Variants in CTNNA3 observed in about 807,000 individuals in gnomAD.
CTNNA3 encodes catenin alpha 3, also known as catenin alpha-3.
A neutral mutation model predicts 95.7 loss-of-function variants in CTNNA3; 76 were observed. The ratio of observed to expected loss-of-function variants is 0.79; its 90% CI spans 0.66 to 0.96. The LOEUF (loss-of-function observed/expected upper bound fraction) is 0.96. Ranked by LOEUF, CTNNA3 falls within the 40% of genes least tolerant of loss-of-function variation. The probability of loss-of-function intolerance (pLI) is 0.00; values close to 1 mark genes in which losing one functional copy is unlikely to be tolerated. For missense variants in CTNNA3, 1,191 were observed against 1,089.8 expected (o/e 1.09, Z -1.31); for synonymous variants, 431 against 374.4 (o/e 1.15, Z -1.74).
At chr10:66,173,197 T>C (rs1564728361) in intron 13 of CTNNA3, among the ~76,000 whole-genome samples, 2 of 152,080 alleles carry the variant, frequency 1.3e-5, no homozygotes, top group Admixed American at 6.6e-5. Context: ...GATAAGTGAG[T>C]TGTGGAACCT....
intron 12 of CTNNA3, among the ~76,000 whole-genome samples, chr10:66,310,834 C>A (rs891459442): frequency 2.6e-5 from 4 of 152,006 alleles, no homozygotes; most frequent in African/African-American, 9.7e-5. Flanking sequence ...CAGGCACCCA[C>A]AACAACGCCT....
chr10:67,549,276 A>G (rs1024227332), intron 3 of CTNNA3, among the ~76,000 whole-genome samples: 1 of 152,180 alleles, frequency 6.6e-6, no homozygotes, highest in African/African-American at 2.4e-5. Flanking sequence ...ATTTACATAC[A>G]TTGCAGCTAA....
intron 11 of CTNNA3, among the ~76,000 whole-genome samples, chr10:66,393,294 T>C (rs955130815): frequency 6.6e-6 from 1 of 152,040 alleles, no homozygotes. Context: ...CAGTGGTGAA[T>C]ACACATTAAT....
chr10:66,412,916 G>C (rs571659981), intron 11 of CTNNA3, among the ~76,000 whole-genome samples: 1 of 152,084 alleles, frequency 6.6e-6, no homozygotes, highest in South Asian at 2.1e-4. Flanking sequence ...AGGATTTCTT[G>C]AAGTGATTAA....
intron 5 of CTNNA3, among the ~76,000 whole-genome samples, chr10:67,301,994 C>CGAAAGAAAGAACGAAAGAAAGAACGAAA (rs1334898390): frequency 2.7e-5 from 1 of 36,766 alleles, no homozygotes; most frequent in African/African-American, 3.0e-4. Flanking sequence ...AAAGAAAGAA[C>CGAAAGAAAGAACGAAAGAAAGAACGAAA]GAAAGAACGA....
At chr10:66,265,728 T>C (rs900610314) in intron 13 of CTNNA3, among the ~76,000 whole-genome samples, 2 of 151,984 alleles carry the variant, frequency 1.3e-5, no homozygotes, top group Admixed American at 1.3e-4. Context: ...AAATTCGATC[T>C]CCTCAGAGTG....
At chr10:66,522,020 A>G (rs941711154) in intron 10 of CTNNA3, among the ~76,000 whole-genome samples, 11 of 152,180 alleles carry the variant, frequency 7.2e-5, no homozygotes, top group Admixed American at 2.0e-4. Context: ...AACTGAACCA[A>G]TTAAGATGTC....
intron 9 of CTNNA3, among the ~76,000 whole-genome samples, chr10:66,760,017 G>A (rs1399891101): frequency 1.3e-5 from 2 of 151,984 alleles, no homozygotes; most frequent in Admixed American, 1.3e-4. Context: ...TGGGGCACTT[G>A]CTTTTCTGTT....
intron 11 of CTNNA3, among the ~76,000 whole-genome samples, chr10:66,461,147 G>C (rs774375158): frequency 1.1e-4 from 16 of 152,092 alleles, no homozygotes; most frequent in Non-Finnish European, 7.4e-5. Context: ...GAGAATACAA[G>C]TACAAAGTAG....
In CTNNA3 at chr10:67,235,524, T is replaced by G. The variant is rs2132314393; in HGVS notation, c.580-15654A>C. Among the ~76,000 whole-genome samples the G allele has an allele frequency of 1.3e-5, 2 of 150,052 alleles. 1 individual carries two copies. Among genetic ancestry groups the G allele is most frequent in the East Asian group, 3.9e-4 (2 of 5,100 alleles). On this transcript the variant is annotated intron_variant, in intron 5 of 17. Coordinates refer to ENST00000433211, the MANE Select transcript of CTNNA3 (RefSeq NM_013266.4). ...ATACAAAAATCAATTCAAGATGGAT[T>G]AAAGACTTAAACGTTAGACCTAAAA... is the stretch of plus-strand genomic sequence containing the variant.
chr10:67,087,997 G>A (rs1441874438), intron 7 of CTNNA3, among the ~76,000 whole-genome samples: 1 of 151,878 alleles, frequency 6.6e-6, no homozygotes, highest in East Asian at 1.9e-4. Context: ...AAAGATCTGT[G>A]CAAATAAAGA....
In CTNNA3 at chr10:66,153,131, GTGTTTCAGTA is replaced by G. The variant is rs1297563733; in HGVS notation, c.1885-49892_1885-49883del. Among the ~76,000 whole-genome samples, 11 of 151,242 alleles carry G rather than the reference GTGTTTCAGTA, an allele frequency of 7.3e-5. No individual in the cohort carries two copies. The Admixed American group carries it at 7.3e-4, about 10-fold the overall frequency. On this transcript the variant is annotated intron_variant, in intron 13 of 17. Transcript: ENST00000433211. ...TAAAATGTTTCTTTTTCAAATATGC[GTGTTTCAGTA>G]TGTTTCAGTTTTATAATTTGCATTC...
At chr10:67,562,485 A>C (rs574975186) in intron 3 of CTNNA3, among the ~76,000 whole-genome samples, 3 of 152,176 alleles carry the variant, frequency 2.0e-5, no homozygotes, top group Non-Finnish European at 1.5e-5. Context: ...GATGGGACAT[A>C]TCTCAAAATA....
chr10:66,971,295 G>A (rs1849708409), intron 7 of CTNNA3, among the ~76,000 whole-genome samples: 1 of 152,024 alleles, frequency 6.6e-6, no homozygotes, highest in African/African-American at 2.4e-5. Flanking sequence ...GCATGGTTGT[G>A]TGAGCCTGTA....
intron 5 of CTNNA3, among the ~76,000 whole-genome samples, chr10:67,417,686 G>A (rs916153504): frequency 1.3e-5 from 2 of 151,306 alleles, no homozygotes; most frequent in African/African-American, 4.9e-5. Context: ...ATTTAAATTG[G>A]TTTAAATCCA....
chr10:65,956,615 A>G (rs374117640), intron 17 of CTNNA3, among the ~76,000 whole-genome samples: 25 of 152,170 alleles, frequency 1.6e-4, no homozygotes, highest in African/African-American at 5.8e-4. Flanking sequence ...TTCAAAGAAC[A>G]TCTTTATTTC....
At chr10:65,942,019 T>C (rs981450510) in intron 17 of CTNNA3, among the ~76,000 whole-genome samples, 24 of 152,240 alleles carry the variant, frequency 1.6e-4, no homozygotes, top group Non-Finnish European at 8.8e-5. Context: ...TTTGTTTGCT[T>C]ACTGAAATGG....
At position 65,942,054 on chromosome 10, in the gene CTNNA3, A is replaced by C. The variant is rs550229088; in HGVS notation, c.2401-21437T>G. On this transcript the variant is annotated intron_variant, in intron 17 of 17. Coordinates refer to ENST00000433211, the MANE Select transcript of CTNNA3 (RefSeq NM_013266.4). The stretch of plus-strand genomic sequence containing the variant: ...GTATATTTAAAATATATGTTTCACA[A>C]GGGTGTTTACTCAAAGGAGTACATT... Among the ~76,000 whole-genome samples, 24 of 152,310 alleles carry C rather than the reference A, an allele frequency of 1.6e-4. No individual in the cohort carries two copies. The East Asian group carries it at 4.2e-3, about 27-fold the overall frequency.
intron 5 of CTNNA3, among the ~76,000 whole-genome samples, chr10:67,464,227 CT>C (rs1357475961): frequency 6.6e-6 from 1 of 152,066 alleles, no homozygotes; most frequent in Admixed American, 6.6e-5. Context: ...TGGATATTTC[CT>C]TCTTAATTCT....
Sources: gnomAD v4.1 joint callset for allele counts (sites outside exome capture counted in the v4.1 genomes callset) on GRCh38, gnomAD v4.1.1 for gene constraint, MANE v1.5 for transcripts, NCBI Gene and HGNC (gene_info 2026-07-23, HGNC 2026-07-21) for gene names.